Variants in CRIM1 observed in about 807,000 individuals in gnomAD.
CRIM1 encodes the protein cysteine rich transmembrane BMP regulator 1.
A neutral mutation model predicts 116.4 loss-of-function variants in CRIM1; 32 were observed. The ratio of observed to expected loss-of-function variants is 0.27; its 90% CI spans 0.21 to 0.37. CRIM1 has a LOEUF of 0.37. CRIM1 is among the 10% of genes least tolerant of loss of function. The pLI, the probability that CRIM1 is intolerant of heterozygous loss-of-function variation, is 1.00. For synonymous variants in CRIM1, 590 were observed against 509.2 expected (o/e 1.16, Z -2.13); for missense variants, 1,331 against 1,354.8 (o/e 0.98, Z 0.28).
At chr2:36,545,866 C>G (rs1667287083) in intron 15 of CRIM1, among the ~76,000 whole-genome samples, 1 of 152,076 alleles carries the variant, frequency 6.6e-6, no homozygotes, top group South Asian at 2.1e-4. Flanking sequence ...TATTTAAAAT[C>G]TGAATTCATC....
intron 8 of CRIM1, among the ~76,000 whole-genome samples, chr2:36,509,624 T>A (rs1332736576): frequency 6.6e-6 from 1 of 152,188 alleles, no homozygotes; most frequent in Non-Finnish European, 1.5e-5. Context: ...TCCCACATAA[T>A]GTAAATGGTC....
At chr2:36,496,108 G>T (rs1301195464) in intron 7 of CRIM1, among the ~76,000 whole-genome samples, 1 of 152,140 alleles carries the variant, frequency 6.6e-6, no homozygotes, top group Non-Finnish European at 1.5e-5. Flanking sequence ...TAGGGTATTA[G>T]CAGTAAGGAC....
chr2:36,516,743 C>T (rs1042705185), intron 11 of CRIM1, among the ~76,000 whole-genome samples: 11 of 152,118 alleles, frequency 7.2e-5, no homozygotes, highest in African/African-American at 2.7e-4. Context: ...TACTCAGGAT[C>T]CCAGAAATAA....
intron 4 of CRIM1, among the ~76,000 whole-genome samples, chr2:36,457,634 G>A (rs906931814): frequency 5.3e-5 from 8 of 152,108 alleles, no homozygotes; most frequent in African/African-American, 1.7e-4. Context: ...CTCTTATGGT[G>A]AGGCACGAGG....
chr2:36,397,186 A>T lies in CRIM1; in HGVS notation c.505+399A>T, dbSNP rs115691652. On this transcript the variant is annotated intron_variant, in intron 2 of 16. Coordinates refer to ENST00000280527, the MANE Select transcript of CRIM1 (RefSeq NM_016441.3). ...TCTGGCATGAAAGAGTTATCTCTTTAGCAGAAATGGGAGAATTATGCAGTG... is the reference window on the plus strand; with the variant it reads ...TCTGGCATGAAAGAGTTATCTCTTTTGCAGAAATGGGAGAATTATGCAGTG... 2.8e-3 allele frequency among the ~76,000 whole-genome samples: 431 copies of T among 152,354 alleles called. 2 individuals are homozygous for T. Among genetic ancestry groups the T allele is most frequent in the African/African-American group, 9.6e-3 (400 of 41,578 alleles).
chr2:36,499,151 A>C (rs1680807780), intron 7 of CRIM1, 68 bp from the exon 8 acceptor site: 1 of 1,298,606 alleles, frequency 7.7e-7, no homozygotes, highest in South Asian at 1.3e-5. Flanking sequence ...TGGAATTTCA[A>C]AAATTGAATA....
In CRIM1 at chr2:36,356,301, G is replaced by C; in HGVS notation, c.9G>C (p.Leu3Phe). 1 of 1,530,512 alleles carries C rather than the reference G, an allele frequency of 6.5e-7. No individual in the cohort carries two copies. Among genetic ancestry groups the C allele is most frequent in the South Asian group, 1.2e-5 (1 of 80,374 alleles). 94.8% of individuals were successfully genotyped at this position (1,530,512 alleles called of 1,614,324 possible). A position where few individuals can be genotyped will look rare whatever the true frequency, so the allele number is the denominator to read the frequency against. MY[L>F]VAGDRGLAGC... ...GGCGGCGGCGCAGGAGGATGTACTT[G>C]GTGGCGGGGGACAGGGGGTTGGCCG... The change falls in exon 1 of 17, where the codon TTG becomes TTC. Residue 3 changes from leucine to phenylalanine, a missense_variant. Around this residue, in one of 3 missense-constraint regions of CRIM1, gnomAD observed 690 missense variants for 676.0 expected, o/e 1.02. Coordinates refer to ENST00000280527, the MANE Select transcript of CRIM1 (RefSeq NM_016441.3). The surrounding 1 kb of genome is among the most constrained non-coding windows in gnomAD (Gnocchi z 4.3).
chr2:36,550,034 AGTATGTATGTGTGTGT>A lies in CRIM1; in HGVS notation c.*1336_*1351del, dbSNP rs1356516807. 6.8e-6 allele frequency: 1 copy of A among 147,824 alleles called. No homozygotes were observed. Among genetic ancestry groups the A allele is most frequent in the Non-Finnish European group, 1.5e-5 (1 of 67,378 alleles). The allele number at this position is 147,824 out of a possible 1,614,324, so 9.2% of individuals were successfully genotyped here. ...TTAATTGGAAAGATGTGTGTGTGAG[AGTATGTATGTGTGTGT>A]GTGTGTGTGTGTGTGTGCGCGCGCA... On this transcript the variant is annotated 3_prime_UTR_variant, in exon 17 of 17. Transcript: ENST00000280527.
chr2:36,489,962 C>T (rs1294668890), intron 7 of CRIM1, among the ~76,000 whole-genome samples: 3 of 152,184 alleles, frequency 2.0e-5, no homozygotes, highest in Admixed American at 2.0e-4. Context: ...TGAAAGGCGT[C>T]ACTGGCTGGT....
intron 7 of CRIM1, among the ~76,000 whole-genome samples, chr2:36,480,871 C>G (rs1679363838): frequency 6.6e-6 from 1 of 152,038 alleles, no homozygotes; most frequent in Non-Finnish European, 1.5e-5. Context: ...CTCCCATTCC[C>G]TAAAGGCAGC....
intron 1 of CRIM1, among the ~76,000 whole-genome samples, chr2:36,369,942 G>A (rs10178804): frequency 0.19 from 28,487 of 152,178 alleles, 3,363 homozygotes; most frequent in Non-Finnish European, 0.26. Flanking sequence ...AAAGAATACC[G>A]TGCATTGTAT....
At chr2:36,538,974 G>A (rs910308288) in intron 14 of CRIM1, among the ~76,000 whole-genome samples, 4 of 152,184 alleles carry the variant, frequency 2.6e-5, no homozygotes, top group African/African-American at 9.7e-5. Flanking sequence ...TGCCTTTTAT[G>A]TGCCAAGCAC....
intron 4 of CRIM1, among the ~76,000 whole-genome samples, chr2:36,444,239 T>C (rs1676077753): frequency 1.3e-5 from 2 of 152,206 alleles, no homozygotes. Context: ...CACGGTCAGC[T>C]ATTTTTTCAG....
chr2:36,523,489 C>G (rs1665554781), intron 13 of CRIM1, among the ~76,000 whole-genome samples: 1 of 152,184 alleles, frequency 6.6e-6, no homozygotes, highest in South Asian at 2.1e-4. Context: ...GTTCCGAGGT[C>G]CAAAAGGTGA....
chr2:36,395,783 A>G (rs1041893042), intron 1 of CRIM1, among the ~76,000 whole-genome samples: 4 of 152,128 alleles, frequency 2.6e-5, no homozygotes, highest in Admixed American at 1.3e-4. Flanking sequence ...GATGGATACT[A>G]TCAGTCTCCC....
chr2:36,530,278 G>GA (rs1478043649), intron 13 of CRIM1, among the ~76,000 whole-genome samples: 4 of 152,102 alleles, frequency 2.6e-5, no homozygotes, highest in African/African-American at 9.7e-5. Context: ...TCAGCGCATT[G>GA]AAAATCAGTC....
Position 36,493,295 on chromosome 2 carries a change from T to C in CRIM1, c.1373-5924T>C, listed in dbSNP as rs577647813. ...AAGGAAAAAAAAAAGCATTGTTTTC[T>C]AGAAATTTGCCTACAAAGAGGTTTT... On this transcript the variant is annotated intron_variant, in intron 7 of 16. Coordinates refer to ENST00000280527, the MANE Select transcript of CRIM1 (RefSeq NM_016441.3). 7.9e-5 allele frequency among the ~76,000 whole-genome samples: 12 copies of C among 152,210 alleles called. No homozygotes were observed. In the South Asian group the frequency reaches 2.5e-3, roughly 32 times the overall value.
At chr2:36,416,469 A>G (rs575486692) in intron 2 of CRIM1, among the ~76,000 whole-genome samples, 9 of 152,334 alleles carry the variant, frequency 5.9e-5, no homozygotes, top group African/African-American at 2.2e-4. Context: ...TGAACAGATT[A>G]TCAGAAAGTA....
At chr2:36,529,827 T>C (rs1255746588) in intron 13 of CRIM1, among the ~76,000 whole-genome samples, 1 of 152,220 alleles carries the variant, frequency 6.6e-6, no homozygotes, top group Non-Finnish European at 1.5e-5. Flanking sequence ...TGATAGGCTC[T>C]TTTAACCTTT....
Sources: allele counts gnomAD v4.1 joint callset (sites outside exome capture counted in the v4.1 genomes callset), GRCh38; gene constraint gnomAD v4.1.1; regional missense constraint gnomAD v4.1.1; non-coding constraint Gnocchi (gnomAD v3.1); transcripts MANE v1.5; gene names NCBI Gene and HGNC (gene_info 2026-07-23, HGNC 2026-07-21).